STMND1: variants seen among roughly 807,000 people sequenced by gnomAD.
STMND1 encodes stathmin domain containing 1.
STMND1 carries 17 observed loss-of-function variants against 23.0 expected under a neutral mutation model. The observed-to-expected ratio is 0.74, with a 90% confidence interval of 0.51 to 1.11. The LOEUF (loss-of-function observed/expected upper bound fraction) is 1.11. Ranked by LOEUF, STMND1 falls within the 50% of genes least tolerant of loss-of-function variation. The pLI, the probability that STMND1 is intolerant of heterozygous loss-of-function variation, is 0.00. For missense variants in STMND1, 305 were observed against 329.1 expected (o/e 0.93, Z 0.57); for synonymous variants, 114 against 119.9 (o/e 0.95, Z 0.32).
chr6:17,126,068 ATATTT>A (rs1432666812), intron 3 of STMND1, among the ~76,000 whole-genome samples: 1 of 21,378 alleles, frequency 4.7e-5, no homozygotes, highest in African/African-American at 2.5e-4. Flanking sequence ...ATATATATAT[ATATTT>A]TTTTTTTTTT....
intron 3 of STMND1, among the ~76,000 whole-genome samples, chr6:17,125,797 A>C (rs1338632982): frequency 6.6e-6 from 1 of 152,048 alleles, no homozygotes; most frequent in African/African-American, 2.4e-5. Context: ...TCCGTAGGTC[A>C]ATAGTTAATT....
intron 1 of STMND1, chr6:17,110,912 T>A: frequency 2.2e-6 from 1 of 455,662 alleles, no homozygotes; most frequent in Non-Finnish European, 4.4e-6. Context: ...AAGACCTTGA[T>A]AGCATCCATT....
chr6:17,112,394 T>G (rs1222173096), intron 1 of STMND1, among the ~76,000 whole-genome samples: 1 of 152,182 alleles, frequency 6.6e-6, no homozygotes, highest in Non-Finnish European at 1.5e-5. Flanking sequence ...TTTCCACTTT[T>G]GGGGTATTAT....
At chr6:17,109,373 G>T (rs1343927437) in intron 1 of STMND1, among the ~76,000 whole-genome samples, 2 of 152,196 alleles carry the variant, frequency 1.3e-5, no homozygotes, top group Non-Finnish European at 2.9e-5. Flanking sequence ...CTACAAGCAT[G>T]CAAGAATCCC....
intron 3 of STMND1, among the ~76,000 whole-genome samples, chr6:17,123,575 CA>C (rs1184734048): frequency 6.6e-6 from 1 of 152,176 alleles, no homozygotes; most frequent in African/African-American, 2.4e-5. Flanking sequence ...CCTGCTTTCA[CA>C]CTTCTGAAAG....
At chr6:17,111,241 G>A (rs1761093278) in intron 1 of STMND1, among the ~76,000 whole-genome samples, 1 of 152,150 alleles carries the variant, frequency 6.6e-6, no homozygotes, top group Non-Finnish European at 1.5e-5. Context: ...ACTGTGGTTT[G>A]AAGAAACAGA....
At chr6:17,120,386 C>T (rs1173010971) in intron 2 of STMND1, among the ~76,000 whole-genome samples, 1 of 152,160 alleles carries the variant, frequency 6.6e-6, no homozygotes, top group Non-Finnish European at 1.5e-5. Flanking sequence ...AATATGTGAT[C>T]TGCTAAGTAA....
rs1466673306 is a variant in STMND1 at position 17,102,224 on chromosome 6, C to T, written c.-34C>T. On this transcript the variant is annotated 5_prime_UTR_variant, in exon 1 of 5. Transcript: ENST00000536551. Reference sequence around the variant, plus strand: ...GAGCGCTCGCGGGGGCGCACAGCAGCCAAGCCCGCGGAGGAGGAGCGCGCG... The same window carrying T: ...GAGCGCTCGCGGGGGCGCACAGCAGTCAAGCCCGCGGAGGAGGAGCGCGCG... 6.6e-7 allele frequency: 1 copy of T among 1,513,852 alleles called. No homozygotes were observed. The highest frequency in any genetic ancestry group is 1.4e-5 in the African/African-American group (1 of 70,474). 93.8% of individuals were successfully genotyped at this position (1,513,852 alleles called of 1,614,324 possible).
At chr6:17,111,617 T>C (rs1481077286) in intron 1 of STMND1, among the ~76,000 whole-genome samples, 1 of 152,240 alleles carries the variant, frequency 6.6e-6, no homozygotes, top group African/African-American at 2.4e-5. Context: ...GGTAAGTGTT[T>C]CTTATATATT....
At chr6:17,130,502 G>A in intron 4 of STMND1, 92 bp from the exon 5 acceptor site, 1 of 984,250 alleles carries the variant, frequency 1.0e-6, no homozygotes, top group Non-Finnish European at 1.4e-6. Flanking sequence ...TGATGACATA[G>A]AGAAGCCATG....
chr6:17,102,487 C>A (rs1414597883), intron 1 of STMND1, 149 bp downstream of exon 1: 5 of 796,074 alleles, frequency 6.3e-6, no homozygotes, highest in African/African-American at 5.2e-5. Context: ...CTTTATTCTG[C>A]CGGTGTTTAA....
At chr6:17,106,046 C>T (rs781343436) in intron 1 of STMND1, among the ~76,000 whole-genome samples, 4 of 152,174 alleles carry the variant, frequency 2.6e-5, no homozygotes, top group Non-Finnish European at 5.9e-5. Context: ...CGTAGACAAA[C>T]CTTAGGACTT....
At chr6:17,102,491 T>C (rs1168903073) in intron 1 of STMND1, among the ~76,000 whole-genome samples, 153 bp downstream of exon 1, 2 of 152,200 alleles carry the variant, frequency 1.3e-5, no homozygotes, top group Admixed American at 1.3e-4. Context: ...ATTCTGCCGG[T>C]GTTTAACTGC....
intron 3 of STMND1, among the ~76,000 whole-genome samples, chr6:17,126,215 C>T (rs1411985474): frequency 6.6e-6 from 1 of 150,474 alleles, no homozygotes; most frequent in African/African-American, 2.5e-5. Context: ...CTGCGCCCAG[C>T]TCATTGTTAA....
At position 17,120,692 on chromosome 6, in the gene STMND1, A is replaced by G. The variant is rs748175634; in HGVS notation, c.345A>G (p.Leu115=). The change falls in exon 3 of 5, where the codon CTA becomes CTG. Residue 115 remains leucine, a synonymous_variant. Coordinates refer to ENST00000536551, the MANE Select transcript of STMND1 (RefSeq NM_001190766.2). ...AGTCATCAGATATCCTGGAGGAACT[A>G]ATTGTTCAAGGAATTATACAAAGCC... ...RQKSSDILEE[L]IVQGIIQSHS... is the part of the protein sequence containing the mutation. 3.9e-6 allele frequency: 6 copies of G among 1,535,458 alleles called. No homozygotes were observed. The highest frequency in any genetic ancestry group is 2.0e-5 in the Admixed American group (1 of 50,964).
chr6:17,130,466 C>T, intron 4 of STMND1, 128 bp from the exon 5 acceptor site: 1 of 786,810 alleles, frequency 1.3e-6, no homozygotes, highest in Non-Finnish European at 1.9e-6. Context: ...AAGAGTTTCT[C>T]AACAAATGTC....
At chr6:17,129,480 C>T (rs1019031661) in intron 4 of STMND1, among the ~76,000 whole-genome samples, 1 of 150,622 alleles carries the variant, frequency 6.6e-6, no homozygotes, top group Non-Finnish European at 1.5e-5. Context: ...CAAGCGGTCC[C>T]CCTGTCTCCG....
intron 4 of STMND1, 43 bp downstream of exon 4, chr6:17,129,286 C>A: frequency 6.6e-7 from 1 of 1,525,254 alleles, no homozygotes; most frequent in South Asian, 1.2e-5. Context: ...AGTTCGCTGT[C>A]TGTTAAAATG....
At chr6:17,108,681 GTTCTTT>G (rs1761057000) in intron 1 of STMND1, among the ~76,000 whole-genome samples, 1 of 139,022 alleles carries the variant, frequency 7.2e-6, no homozygotes, top group Non-Finnish European at 1.6e-5. Flanking sequence ...TCTCCTTCCT[GTTCTTT>G]TTCTTTTTCT....
Sources: gnomAD v4.1 joint callset for allele counts (sites outside exome capture counted in the v4.1 genomes callset) on GRCh38, gnomAD v4.1.1 for gene constraint, MANE v1.5 for transcripts, NCBI Gene and HGNC (gene_info 2026-07-23, HGNC 2026-07-21) for gene names.